The following NAV3 variants were observed in gnomAD, a reference collection of about 807,000 sequenced individuals.
NAV3 encodes neuron navigator 3, also known as pore membrane and/or filament interacting like protein 1.
NAV3 carries 87 observed loss-of-function variants against 244.7 expected under a neutral mutation model. The ratio of observed to expected loss-of-function variants is 0.36; its 90% confidence interval spans 0.30 to 0.42. The LOEUF is 0.42. Among genes scored for constraint, NAV3 ranks in the 20% least tolerant of loss-of-function variants. The probability of loss-of-function intolerance (pLI) is 1.00; values close to 1 mark genes in which losing one functional copy is unlikely to be tolerated. For missense variants in NAV3, 2,663 were observed against 2,893.3 expected (o/e 0.92, Z 1.83); for synonymous variants, 1,126 against 1,042.2 (o/e 1.08, Z -1.55).
Position 78,085,650 on chromosome 12 carries a change from CAT to C in NAV3, c.2636+26538_2636+26539del, listed in dbSNP as rs796640012. On this transcript the variant is annotated intron_variant, in intron 12 of 39. Transcript: ENST00000397909. The stretch of plus-strand genomic sequence containing the variant: ...GGGAGAAGATGAATTCAGTAAGAAA[CAT>C]ATTGCGTGTGGGCTGAACATTCAGG... Among the ~76,000 whole-genome samples, 3 of 152,098 alleles carry C rather than the reference CAT, an allele frequency of 2.0e-5. No homozygotes were observed. The South Asian group carries it at 6.2e-4, about 32-fold the overall frequency.
intron 8 of NAV3, among the ~76,000 whole-genome samples, chr12:78,012,095 A>T (rs1260508726): frequency 2.6e-5 from 4 of 152,164 alleles, no homozygotes; most frequent in Non-Finnish European, 4.4e-5. Flanking sequence ...ACAGAGCCAA[A>T]CCATATAAGA....
intron 1 of NAV3, among the ~76,000 whole-genome samples, chr12:77,871,566 C>A (rs1470187099): frequency 6.6e-6 from 1 of 152,144 alleles, no homozygotes; most frequent in Non-Finnish European, 1.5e-5. Flanking sequence ...TGTTAGTTTG[C>A]TGAGAATGAT....
At chr12:78,075,093 AT>A (rs1566096631) in intron 12 of NAV3, among the ~76,000 whole-genome samples, 5 of 152,202 alleles carry the variant, frequency 3.3e-5, no homozygotes, top group Non-Finnish European at 7.3e-5. Context: ...AGTCTACCTG[AT>A]CAGGACTATC....
chr12:78,136,721 CTG>C (rs1338947293), intron 18 of NAV3, among the ~76,000 whole-genome samples: 3 of 152,132 alleles, frequency 2.0e-5, no homozygotes, highest in African/African-American at 4.8e-5. Flanking sequence ...CTTGAAGTGA[CTG>C]AGAGTATTTG....
chr12:78,130,353 T>A, intron 18 of NAV3: 1 of 217,714 alleles, frequency 4.6e-6, no homozygotes, highest in Non-Finnish European at 1.0e-5. Context: ...GAGGCCAAAG[T>A]CTCTGGTTTG....
At chr12:77,859,773 A>AAAAAG (rs1481418564) in intron 1 of NAV3, among the ~76,000 whole-genome samples, 1 of 150,980 alleles carries the variant, frequency 6.6e-6, no homozygotes, top group Non-Finnish European at 1.5e-5. Context: ...AAAAAAAAAA[A>AAAAAG]AAAAAAAGAC....
intron 2 of NAV3, among the ~76,000 whole-genome samples, chr12:77,589,844 C>T (rs1171486172): frequency 6.6e-6 from 1 of 152,236 alleles, no homozygotes; most frequent in African/African-American, 2.4e-5. Flanking sequence ...AGAGAACAGG[C>T]TTTGGCGTTA....
chr12:77,835,856 G>A (rs1402318), intron 1 of NAV3, among the ~76,000 whole-genome samples: 134,384 of 152,170 alleles, frequency 0.88, 59,594 homozygotes, highest in Non-Finnish European at 0.91. Flanking sequence ...CTCTATTTCC[G>A]TCATAGCTCC....
At chr12:78,053,772 T>C (rs1041398575) in intron 11 of NAV3, among the ~76,000 whole-genome samples, 2 of 152,204 alleles carry the variant, frequency 1.3e-5, no homozygotes, top group African/African-American at 4.8e-5. Flanking sequence ...TATCACTTTA[T>C]TTAGCCTTAG....
chr12:77,757,260 C>T (rs555874627), intron 2 of NAV3, among the ~76,000 whole-genome samples: 1 of 152,264 alleles, frequency 6.6e-6, no homozygotes, highest in African/African-American at 2.4e-5. Flanking sequence ...ACTCACATTT[C>T]ATTAGCCAAA....
chr12:77,665,330 T>C (rs959437212), intron 2 of NAV3, among the ~76,000 whole-genome samples: 1 of 152,198 alleles, frequency 6.6e-6, no homozygotes, highest in African/African-American at 2.4e-5. Context: ...CCAAGGAAAA[T>C]TATAAAAACT....
At chr12:77,662,965 C>G (rs1005888946) in intron 2 of NAV3, among the ~76,000 whole-genome samples, 3 of 152,080 alleles carry the variant, frequency 2.0e-5, no homozygotes, top group African/African-American at 7.2e-5. Context: ...TACTGTCAGG[C>G]TTTGATTTCA....
intron 1 of NAV3, among the ~76,000 whole-genome samples, chr12:77,834,560 T>A (rs1315703379): frequency 6.6e-6 from 1 of 152,246 alleles, no homozygotes; most frequent in African/African-American, 2.4e-5. Flanking sequence ...AGACACTGTC[T>A]CTGCTGACCA....
intron 1 of NAV3, among the ~76,000 whole-genome samples, chr12:77,863,832 T>A (rs914201029): frequency 4.6e-5 from 7 of 151,862 alleles, no homozygotes; most frequent in Non-Finnish European, 3.0e-5. Context: ...AAGACAAAAA[T>A]AGCTACTTAA....
At chr12:77,837,571 T>C (rs1026643282) in intron 1 of NAV3, among the ~76,000 whole-genome samples, 1 of 152,146 alleles carries the variant, frequency 6.6e-6, no homozygotes, top group Non-Finnish European at 1.5e-5. Context: ...GTTAAATTAC[T>C]TGCCAATATC....
In NAV3 at chr12:78,189,983, G is replaced by T; in HGVS notation, c.6056-1G>T. 6.2e-7 allele frequency: 1 copy of T among 1,606,320 alleles called. No homozygotes were observed. The highest frequency in any genetic ancestry group is 8.5e-7 in the Non-Finnish European group (1 of 1,173,982). ...TGCTATTTTTTTGTTTCTTCTTTCA[G>T]GGGTAGAAGAAAATAGTTTGGACAG... On this transcript the variant is annotated splice_acceptor_variant, in intron 33 of 39. Coordinates refer to ENST00000397909, the MANE Select transcript of NAV3 (RefSeq NM_001024383.2). LOFTEE classifies it high-confidence loss of function.
chr12:77,866,645 G>A (rs1418547826), intron 1 of NAV3, among the ~76,000 whole-genome samples: 2 of 152,222 alleles, frequency 1.3e-5, no homozygotes, highest in African/African-American at 4.8e-5. Flanking sequence ...GTTACAAGAA[G>A]TGTGCCCTTT....
chr12:78,112,514 C>G (rs577224019), intron 12 of NAV3, among the ~76,000 whole-genome samples: 1 of 152,058 alleles, frequency 6.6e-6, no homozygotes, highest in Non-Finnish European at 1.5e-5. Flanking sequence ...GCACACATGT[C>G]CTTCACATGG....
intron 2 of NAV3, among the ~76,000 whole-genome samples, chr12:77,813,523 A>G (rs1872393234): frequency 6.6e-6 from 1 of 152,190 alleles, no homozygotes; most frequent in East Asian, 1.9e-4. Flanking sequence ...GATTTAACTT[A>G]TCCTGCAGTT....
Sources: allele counts gnomAD v4.1 joint callset (sites outside exome capture counted in the v4.1 genomes callset), GRCh38; gene constraint gnomAD v4.1.1; transcripts MANE v1.5; gene names NCBI Gene and HGNC (gene_info 2026-07-23, HGNC 2026-07-21).